PRKCE: variants seen among roughly 807,000 people sequenced by gnomAD.
PRKCE encodes protein kinase C epsilon.
In PRKCE, 16 loss-of-function variants were observed where a neutral mutation model predicts 85.4. That is an observed-to-expected ratio of 0.19 (90% CI 0.13 to 0.28). The LOEUF (loss-of-function observed/expected upper bound fraction) is 0.28. Among genes scored for constraint, PRKCE ranks in the 10% least tolerant of loss-of-function variants. The probability of loss-of-function intolerance (pLI) is 1.00; values close to 1 mark genes in which losing one functional copy is unlikely to be tolerated. For missense variants in PRKCE, 573 were observed against 975.2 expected, an observed-to-expected ratio of 0.59 and a Z score of 5.49; for synonymous variants, 388 against 371.5, an observed-to-expected ratio of 1.04 and a Z score of -0.51.
chr2:46,079,425 T>C (rs1349454129), intron 10 of PRKCE, among the ~76,000 whole-genome samples: 1 of 152,220 alleles, frequency 6.6e-6, no homozygotes, highest in Admixed American at 6.5e-5. Flanking sequence ...AAGCCATGGC[T>C]TATATCATCT....
At chr2:46,179,847 C>T (rs1314038294) in intron 14 of PRKCE, among the ~76,000 whole-genome samples, 1 of 152,190 alleles carries the variant, frequency 6.6e-6, no homozygotes, top group Non-Finnish European at 1.5e-5. Context: ...CCATCCCCCC[C>T]AACTCCCTGC....
chr2:45,779,009 C>G (rs187270578), intron 1 of PRKCE, among the ~76,000 whole-genome samples: 1 of 152,314 alleles, frequency 6.6e-6, no homozygotes, highest in Non-Finnish European at 1.5e-5. Context: ...GAAACAGGTG[C>G]AGGGAGTTTT....
chr2:45,683,332 G>C (rs901651802), intron 1 of PRKCE, among the ~76,000 whole-genome samples: 2 of 152,154 alleles, frequency 1.3e-5, no homozygotes, highest in African/African-American at 4.8e-5. Flanking sequence ...TTCCCCTCAA[G>C]CAGTCAGCCA....
At chr2:45,707,888 TGCAGGCATGAAGCTCCAGTTAG>T (rs1679247640) in intron 1 of PRKCE, among the ~76,000 whole-genome samples, 1 of 152,058 alleles carries the variant, frequency 6.6e-6, no homozygotes, top group Admixed American at 6.5e-5. Flanking sequence ...GACCTGGGAG[TGCAGGCATGAAGCTCCAGTTAG>T]GCAGGCCCCA....
chr2:46,147,733 CA>C (rs1056224258), intron 12 of PRKCE, among the ~76,000 whole-genome samples: 1 of 152,198 alleles, frequency 6.6e-6, no homozygotes, highest in African/African-American at 2.4e-5. Flanking sequence ...GCCCAGCCCA[CA>C]GGGAGTGCTG....
At chr2:46,085,204 G>A (rs189037416) in intron 10 of PRKCE, among the ~76,000 whole-genome samples, 29 of 152,192 alleles carry the variant, frequency 1.9e-4, no homozygotes, top group African/African-American at 6.0e-4. Flanking sequence ...GTAAGAGGGG[G>A]CCACCTACAA....
chr2:45,898,091 G>T (rs761753142), intron 2 of PRKCE, among the ~76,000 whole-genome samples: 1 of 152,228 alleles, frequency 6.6e-6, no homozygotes, highest in Non-Finnish European at 1.5e-5. Context: ...CCTCGTGATA[G>T]AGATGACTGG....
intron 10 of PRKCE, among the ~76,000 whole-genome samples, chr2:46,026,326 G>C (rs973802968): frequency 6.6e-6 from 1 of 152,178 alleles, no homozygotes; most frequent in African/African-American, 2.4e-5. Flanking sequence ...TCTCTAGAAT[G>C]GGACATTTAG....
chr2:46,019,883 C>G (rs994208006), intron 10 of PRKCE, among the ~76,000 whole-genome samples: 6 of 121,440 alleles, frequency 4.9e-5, no homozygotes, highest in Non-Finnish European at 7.9e-5. Flanking sequence ...CGGAGTCTTG[C>G]TCCGTCACCA....
chr2:46,003,799 C>G (rs1025086073), intron 7 of PRKCE: 2 of 152,376 alleles, frequency 1.3e-5, no homozygotes, highest in African/African-American at 4.8e-5. Context: ...AAACTGAAGT[C>G]TCTTGTTTTC....
chr2:45,721,266 C>T (rs925194027), intron 1 of PRKCE, among the ~76,000 whole-genome samples: 1 of 152,150 alleles, frequency 6.6e-6, no homozygotes, highest in Non-Finnish European at 1.5e-5. Context: ...AGAGGCAGAG[C>T]TAGGATTCAG....
intron 2 of PRKCE, chr2:45,851,967 C>A (rs1402290926): frequency 1.3e-5 from 2 of 152,218 alleles, no homozygotes; most frequent in African/African-American, 4.8e-5. Flanking sequence ...GAGGCAAGAC[C>A]CCCTCAGAGC....
chr2:45,813,661 A>G (rs748785133), intron 1 of PRKCE, among the ~76,000 whole-genome samples: 2 of 152,200 alleles, frequency 1.3e-5, no homozygotes, highest in Admixed American at 6.5e-5. Context: ...TCCAGCATAC[A>G]GGACTTCAGA....
chr2:45,734,062 C>A (rs1209370263), intron 1 of PRKCE, among the ~76,000 whole-genome samples: 1 of 152,140 alleles, frequency 6.6e-6, no homozygotes, highest in Non-Finnish European at 1.5e-5. Context: ...GAAGTGCAGT[C>A]CAGTGGAAAA....
At chr2:45,882,472 A>G (rs1040508159) in intron 2 of PRKCE, among the ~76,000 whole-genome samples, 1 of 152,240 alleles carries the variant, frequency 6.6e-6, no homozygotes, top group Admixed American at 6.5e-5. Context: ...GTCCTCCTCC[A>G]TTGCTGGGAT....
chr2:45,937,440 T>C (rs1490083310), intron 2 of PRKCE, among the ~76,000 whole-genome samples: 1 of 152,162 alleles, frequency 6.6e-6, no homozygotes, highest in Non-Finnish European at 1.5e-5. Flanking sequence ...TGGCCACACG[T>C]GGTGGCTCAC....
intron 2 of PRKCE, among the ~76,000 whole-genome samples, chr2:45,845,224 C>A (rs1691683912): frequency 6.6e-6 from 1 of 151,924 alleles, no homozygotes; most frequent in Non-Finnish European, 1.5e-5. Flanking sequence ...GGTTCCTAGC[C>A]TGGAGGGGGT....
intron 14 of PRKCE, among the ~76,000 whole-genome samples, chr2:46,178,816 T>C (rs963277619): frequency 6.6e-6 from 1 of 152,130 alleles, no homozygotes; most frequent in African/African-American, 2.4e-5. Context: ...AGTAGGTACC[T>C]TGAGGGGTAT....
At chr2:45,698,197 G>C (rs768020196) in intron 1 of PRKCE, among the ~76,000 whole-genome samples, 1 of 152,148 alleles carries the variant, frequency 6.6e-6, no homozygotes, top group Non-Finnish European at 1.5e-5. Context: ...GTTAGCATAG[G>C]GTTTTGCAAC....
Sources: gnomAD v4.1 joint callset for allele counts (sites outside exome capture counted in the v4.1 genomes callset) on GRCh38, gnomAD v4.1.1 for gene constraint, MANE v1.5 for transcripts, NCBI Gene and HGNC (gene_info 2026-07-23, HGNC 2026-07-21) for gene names.